GRID2: variants seen among roughly 807,000 people sequenced by gnomAD.
The protein encoded by GRID2 is glutamate receptor ionotropic, delta-2.
GRID2 carries 33 observed loss-of-function variants against 114.8 expected under a neutral mutation model. The observed-to-expected ratio is 0.29, with a 90% confidence interval of 0.22 to 0.38. GRID2 has a LOEUF of 0.38. GRID2 is among the 10% of genes least tolerant of loss of function. GRID2 has a pLI of 1.00. For missense variants in GRID2, 1,184 were observed against 1,257.7 expected (o/e 0.94, Z 0.89); for synonymous variants, 505 against 449.9 (o/e 1.12, Z -1.55).
At chr4:93,559,954 C>G (rs1458351055) in intron 13 of GRID2, among the ~76,000 whole-genome samples, 1 of 151,994 alleles carries the variant, frequency 6.6e-6, no homozygotes, top group Non-Finnish European at 1.5e-5. Context: ...TGGAAACCAT[C>G]ATTCTCAGCA....
chr4:93,653,385 T>G (rs1383376311), intron 14 of GRID2, among the ~76,000 whole-genome samples: 1 of 152,164 alleles, frequency 6.6e-6, no homozygotes, highest in Non-Finnish European at 1.5e-5. Context: ...CTCCAGTGTA[T>G]CTCAGGCTTT....
chr4:92,319,465 T>C (rs575420063), intron 1 of GRID2, among the ~76,000 whole-genome samples: 1 of 152,326 alleles, frequency 6.6e-6, no homozygotes, highest in East Asian at 1.9e-4. Context: ...GAAACATCCT[T>C]AGAGGCAGCA....
At chr4:92,388,269 T>C (rs1365093045) in intron 1 of GRID2, among the ~76,000 whole-genome samples, 1 of 152,032 alleles carries the variant, frequency 6.6e-6, no homozygotes, top group African/African-American at 2.4e-5. Flanking sequence ...GTTTTAAAAA[T>C]CAGAAAAAAG....
At chr4:93,698,710 C>G (rs1047546086) in intron 14 of GRID2, among the ~76,000 whole-genome samples, 1 of 151,968 alleles carries the variant, frequency 6.6e-6, no homozygotes, top group African/African-American at 2.4e-5. Flanking sequence ...TACATTTTCT[C>G]TGTAAATTTG....
chr4:92,682,209 A>G (rs1473423987), intron 2 of GRID2, among the ~76,000 whole-genome samples: 1 of 152,110 alleles, frequency 6.6e-6, no homozygotes, highest in South Asian at 2.1e-4. Flanking sequence ...GGAATTTGAG[A>G]TGGAACTATA....
At chr4:92,856,720 A>G (rs906473269) in intron 2 of GRID2, among the ~76,000 whole-genome samples, 16 of 152,164 alleles carry the variant, frequency 1.1e-4, no homozygotes, top group African/African-American at 1.9e-4. Context: ...AAGTTATCCA[A>G]AATGTCAGCA....
chr4:92,601,042 C>A (rs979042942), intron 2 of GRID2, among the ~76,000 whole-genome samples: 5 of 152,110 alleles, frequency 3.3e-5, no homozygotes, highest in Non-Finnish European at 1.5e-5. Context: ...GGCTTAACCC[C>A]AGAGAGACCA....
At chr4:92,629,777 T>C (rs1218223606) in intron 2 of GRID2, among the ~76,000 whole-genome samples, 1 of 147,920 alleles carries the variant, frequency 6.8e-6, no homozygotes, top group Non-Finnish European at 1.5e-5. Context: ...ATATGTTTTT[T>C]CTTTTTTTTT....
chr4:93,005,750 A>G (rs1194563694), intron 2 of GRID2, among the ~76,000 whole-genome samples: 1 of 152,072 alleles, frequency 6.6e-6, no homozygotes, highest in East Asian at 1.9e-4. Context: ...ACCTGCTACA[A>G]TGTGGATGAA....
chr4:92,938,755 C>A (rs1750865512), intron 2 of GRID2, among the ~76,000 whole-genome samples: 2 of 142,784 alleles, frequency 1.4e-5, no homozygotes, highest in Admixed American at 7.8e-5. Context: ...TGATGTTCCC[C>A]TTCCTGTGTC....
chr4:92,344,741 G>T (rs17238679), intron 1 of GRID2, among the ~76,000 whole-genome samples: 9,968 of 152,150 alleles, frequency 0.066, 373 homozygotes, highest in Middle Eastern at 0.14. Context: ...ATTGTCTGAG[G>T]TCTCAGGTGA....
At chr4:93,033,814 T>A (rs1724666240) in intron 2 of GRID2, among the ~76,000 whole-genome samples, 1 of 152,166 alleles carries the variant, frequency 6.6e-6, no homozygotes, top group Non-Finnish European at 1.5e-5. Flanking sequence ...ACCTCAACTG[T>A]TCACCACATT....
intron 13 of GRID2, among the ~76,000 whole-genome samples, chr4:93,544,200 AAT>A (rs1732957879): frequency 6.6e-6 from 1 of 152,160 alleles, no homozygotes; most frequent in Non-Finnish European, 1.5e-5. Context: ...AAATAAAACT[AAT>A]GACACTTGTT....
chr4:92,321,044 T>A (rs1048558932), intron 1 of GRID2, among the ~76,000 whole-genome samples: 11 of 152,190 alleles, frequency 7.2e-5, no homozygotes, highest in Non-Finnish European at 2.9e-5. Flanking sequence ...TTCTCTTACA[T>A]AAATTAATAG....
intron 10 of GRID2, among the ~76,000 whole-genome samples, chr4:93,439,832 G>A (rs567942819): frequency 2.9e-4 from 44 of 152,156 alleles, no homozygotes; most frequent in Admixed American, 1.4e-3. Flanking sequence ...GGGCATGCCA[G>A]GGGCAGTTGG....
At chr4:92,419,297 A>G (rs942278614) in intron 1 of GRID2, among the ~76,000 whole-genome samples, 3 of 152,078 alleles carry the variant, frequency 2.0e-5, no homozygotes, top group African/African-American at 7.2e-5. Flanking sequence ...TAAACCTCCT[A>G]AAACTCTTAC....
chr4:92,978,926 G>A (rs1310992184), intron 2 of GRID2, among the ~76,000 whole-genome samples: 1 of 152,046 alleles, frequency 6.6e-6, no homozygotes, highest in Non-Finnish European at 1.5e-5. Flanking sequence ...GGGAGGCTGA[G>A]GTGGGAGGAT....
chr4:92,702,996 T>C (rs1734757376), intron 2 of GRID2, among the ~76,000 whole-genome samples: 1 of 152,186 alleles, frequency 6.6e-6, no homozygotes, highest in Admixed American at 6.5e-5. Flanking sequence ...CCATTAAGCT[T>C]GCTTAAGTAG....
intron 8 of GRID2, among the ~76,000 whole-genome samples, chr4:93,315,063 G>A (rs956303627): frequency 6.6e-6 from 1 of 152,116 alleles, no homozygotes; most frequent in Non-Finnish European, 1.5e-5. Flanking sequence ...TACAATGATG[G>A]CAGAAGGGGA....
Sources: gnomAD v4.1 joint callset for allele counts (sites outside exome capture counted in the v4.1 genomes callset) on GRCh38, gnomAD v4.1.1 for gene constraint, MANE v1.5 for transcripts, NCBI Gene and HGNC (gene_info 2026-07-23, HGNC 2026-07-21) for gene names.